SOX6: variants seen among roughly 807,000 people sequenced by gnomAD.
SOX6 encodes the protein transcription factor SOX-6.
A neutral mutation model predicts 97.8 loss-of-function variants in SOX6; 11 were observed. The observed-to-expected ratio is 0.11, with a 90% confidence interval of 0.07 to 0.19. The LOEUF (loss-of-function observed/expected upper bound fraction) is 0.19. SOX6 is among the 10% of genes least tolerant of loss of function. The pLI, the probability that SOX6 is intolerant of heterozygous loss-of-function variation, is 1.00. For missense variants in SOX6, 810 were observed against 1,039.5 expected, an observed-to-expected ratio of 0.78 and a Z score of 3.04; for synonymous variants, 360 against 371.4, an observed-to-expected ratio of 0.97 and a Z score of 0.35.
intron 4 of SOX6, among the ~76,000 whole-genome samples, chr11:16,194,849 C>A (rs1004065248): frequency 6.6e-6 from 1 of 152,222 alleles, no homozygotes; most frequent in Non-Finnish European, 1.5e-5. Context: ...ATAAGCCCAT[C>A]CTTTTTGGAT....
intron 3 of SOX6, among the ~76,000 whole-genome samples, chr11:16,627,365 T>C (rs1848636996): frequency 6.6e-6 from 1 of 152,248 alleles, no homozygotes; most frequent in Non-Finnish European, 1.5e-5. Context: ...GGTTGAATCA[T>C]ACTTCTAAGT....
chr11:16,443,193 A>G (rs924812411), intron 1 of SOX6, among the ~76,000 whole-genome samples: 2 of 152,194 alleles, frequency 1.3e-5, no homozygotes, highest in African/African-American at 2.4e-5. Context: ...GTTCTTCCGG[A>G]CAAATTACAC....
At chr11:16,470,766 CT>C (rs1427811404) in intron 1 of SOX6, among the ~76,000 whole-genome samples, 1 of 152,112 alleles carries the variant, frequency 6.6e-6, no homozygotes, top group Non-Finnish European at 1.5e-5. Flanking sequence ...GGTTTGAATC[CT>C]GCTACTCTGC....
At chr11:16,226,335 T>C (rs76954635) in intron 4 of SOX6, among the ~76,000 whole-genome samples, 1 of 52,086 alleles carries the variant, frequency 1.9e-5, no homozygotes, top group African/African-American at 7.8e-5. Context: ...GTTTTTGTTT[T>C]TGTTTTTTTT....
chr11:15,968,673 TTTTCAAACACCCTC>T lies in SOX6; in HGVS notation c.*4122_*4135del, dbSNP rs1197267167. ...TTTCAGCCCTAGAGTGATCACGCCC[TTTTCAAACACCCTC>T]AGGCTCCCGTGGGGCTAATGTTCAG... is the stretch of plus-strand genomic sequence containing the variant. On this transcript the variant is annotated 3_prime_UTR_variant, in exon 16 of 16. Transcript: ENST00000683767. The T allele has an allele frequency of 6.6e-6, 1 of 152,178 alleles. No homozygotes were observed. The highest frequency in any genetic ancestry group is 6.5e-5 in the Admixed American group (1 of 15,278). The allele number at this position is 152,178 out of a possible 1,614,324, so 9.4% of individuals were successfully genotyped here.
At chr11:16,734,061 C>A (rs1179027681) in intron 2 of SOX6, among the ~76,000 whole-genome samples, 4 of 149,386 alleles carry the variant, frequency 2.7e-5, no homozygotes, top group African/African-American at 4.9e-5. Flanking sequence ...TATACATCAA[C>A]AACAATTTTA....
At chr11:16,484,277 A>C (rs541041256) in intron 4 of SOX6, 1 of 1,112,756 alleles carries the variant, frequency 9.0e-7, no homozygotes, top group Admixed American at 1.7e-5. Flanking sequence ...GTCACTGGGA[A>C]CCACATTGCC....
Position 16,560,596 on chromosome 11 carries a change from T to C in SOX6, n.609+51485A>G, listed in dbSNP as rs34632936. On this transcript the variant is annotated intron_variant and non_coding_transcript_variant, in intron 4 of 5. Transcript: ENST00000524520. ...TTATACGTACATATATGTTTATACG[T>C]ACATGTATGTTTATACGTACATATA... Among the ~76,000 whole-genome samples the C allele has an allele frequency of 2.1e-4, 16 of 74,966 alleles. 3 individuals carry two copies. Among genetic ancestry groups the C allele is most frequent in the South Asian group, 1.6e-3 (4 of 2,568 alleles). The allele number at this position is 74,966 out of a possible 152,430, so 49.2% of individuals were successfully genotyped here. A position where few individuals can be genotyped will look rare whatever the true frequency, so the allele number is the denominator to read the frequency against.
Position 16,374,048 on chromosome 11 carries a change from G to A in SOX6, c.-4-32796C>T, listed in dbSNP as rs997716534. On this transcript the variant is annotated intron_variant, in intron 1 of 15. Transcript: ENST00000396356. ...ATTGACCCATCTTTAACTCAATACA[G>A]TTACTACAGCTTCCATGCAGATATT... Among the ~76,000 whole-genome samples the A allele has an allele frequency of 1.6e-4, 24 of 152,136 alleles. 1 individual carries two copies. The highest frequency in any genetic ancestry group is 5.5e-4 in the African/African-American group (23 of 41,522).
intron 1 of SOX6, among the ~76,000 whole-genome samples, chr11:16,444,539 C>A (rs1859576067): frequency 6.6e-6 from 1 of 152,162 alleles, no homozygotes; most frequent in Admixed American, 6.5e-5. Flanking sequence ...ACATAAGAAT[C>A]TGTGGCAATT....
chr11:16,165,392 AAAG>A (rs1850861116), intron 6 of SOX6, among the ~76,000 whole-genome samples: 1 of 152,222 alleles, frequency 6.6e-6, no homozygotes, highest in South Asian at 2.1e-4. Flanking sequence ...TTAAATGTTT[AAAG>A]AATTGAACTA....
chr11:15,976,789 C>T (rs920614891), intron 15 of SOX6, among the ~76,000 whole-genome samples: 4 of 152,032 alleles, frequency 2.6e-5, no homozygotes, highest in African/African-American at 9.7e-5. Context: ...CTTTTTCTAA[C>T]CCTAACTCCC....
intron 1 of SOX6, among the ~76,000 whole-genome samples, chr11:16,438,797 T>G (rs1859440595): frequency 6.7e-6 from 1 of 149,928 alleles, no homozygotes; most frequent in South Asian, 2.1e-4. Context: ...TCAGGAAATC[T>G]TGAGCAACCT....
At chr11:16,185,364 T>G (rs773748591) in intron 5 of SOX6, among the ~76,000 whole-genome samples, 6 of 152,208 alleles carry the variant, frequency 3.9e-5, no homozygotes, top group Non-Finnish European at 8.8e-5. Flanking sequence ...CCTCTGAATA[T>G]TTATTTCTTC....
In SOX6 at chr11:16,454,379, G is replaced by T. The variant is rs181297831; in HGVS notation, c.-5+21936C>A. Among the ~76,000 whole-genome samples, 795 of 152,072 alleles carry T rather than the reference G, an allele frequency of 5.2e-3. 1 individual carries two copies. The highest frequency in any genetic ancestry group is 9.4e-3 in the Non-Finnish European group (639 of 67,908). The stretch of plus-strand genomic sequence containing the variant: ...TCCAAAATAAAGCCATCCCAAAAAA[G>T]TCATAACTTTCCAGAAGACTTATTA... On this transcript the variant is annotated intron_variant, in intron 1 of 15. Transcript: ENST00000396356.
At chr11:16,471,511 C>T (rs1302967310) in intron 1 of SOX6, among the ~76,000 whole-genome samples, 1 of 152,148 alleles carries the variant, frequency 6.6e-6, no homozygotes, top group African/African-American at 2.4e-5. Context: ...TAACTTTCTG[C>T]CTTAGATCAT....
intron 2 of SOX6, among the ~76,000 whole-genome samples, chr11:16,329,142 T>C (rs1248465173): frequency 6.6e-6 from 1 of 152,124 alleles, no homozygotes; most frequent in Middle Eastern, 3.2e-3. Context: ...AGAAAATAGA[T>C]TTGTTACCAA....
At chr11:16,053,982 A>T (rs1258820299) in intron 10 of SOX6, among the ~76,000 whole-genome samples, 3 of 152,162 alleles carry the variant, frequency 2.0e-5, no homozygotes, top group African/African-American at 7.2e-5. Context: ...TAAAAAATCT[A>T]ATAAGTAAAA....
At chr11:16,145,113 C>A (rs1850256319) in intron 6 of SOX6, among the ~76,000 whole-genome samples, 1 of 152,170 alleles carries the variant, frequency 6.6e-6, no homozygotes, top group Admixed American at 6.5e-5. Flanking sequence ...AAAATACTGG[C>A]AAACCGAATC....
Sources: allele counts gnomAD v4.1 joint callset (sites outside exome capture counted in the v4.1 genomes callset), GRCh38; gene constraint gnomAD v4.1.1; transcripts MANE v1.5; gene names NCBI Gene and HGNC (gene_info 2026-07-23, HGNC 2026-07-21).